The following DPP4 variants were observed in gnomAD, a reference collection of about 807,000 sequenced individuals.
DPP4 encodes dipeptidyl peptidase 4.
DPP4 carries 93 observed loss-of-function variants against 122.4 expected under a neutral mutation model. The ratio of observed to expected loss-of-function variants is 0.76; its 90% CI spans 0.64 to 0.90. The LOEUF (loss-of-function observed/expected upper bound fraction) is 0.90. DPP4 is among the 40% of genes least tolerant of loss of function. The pLI is 0.00. For synonymous variants in DPP4, 321 were observed against 302.9 expected (o/e 1.06, Z -0.62); for missense variants, 914 against 907.3 (o/e 1.01, Z -0.09).
intron 12 of DPP4, among the ~76,000 whole-genome samples, chr2:162,021,278 C>A (rs1683117617): frequency 6.6e-6 from 1 of 152,204 alleles, no homozygotes; most frequent in South Asian, 2.1e-4. Context: ...TAAGCCTTTT[C>A]ATTTTGTTAA....
chr2:162,037,128 C>T (rs1006643128), intron 8 of DPP4, among the ~76,000 whole-genome samples: 1 of 152,166 alleles, frequency 6.6e-6, no homozygotes, highest in Non-Finnish European at 1.5e-5. Flanking sequence ...ATTAGAGAGG[C>T]CCAAATTGGA....
chr2:162,003,886 G>A (rs1701215676), intron 23 of DPP4, among the ~76,000 whole-genome samples: 1 of 152,162 alleles, frequency 6.6e-6, no homozygotes, highest in Non-Finnish European at 1.5e-5. Flanking sequence ...GGAAAATTCA[G>A]TACAAGATAC....
intron 25 of DPP4, 41 bp downstream of exon 25, chr2:161,994,920 C>T: frequency 6.3e-7 from 1 of 1,576,730 alleles, no homozygotes; most frequent in Non-Finnish European, 8.7e-7. Flanking sequence ...AACTAGACCC[C>T]ACCAGCAACT....
rs1700885093 is a variant in DPP4 at position 161,992,326 on chromosome 2, T to C, written c.*957A>G. The C allele has an allele frequency of 6.6e-6, 1 of 152,300 alleles. No homozygotes were observed. Among genetic ancestry groups the C allele is most frequent in the African/African-American group, 2.4e-5 (1 of 41,452 alleles). 9.4% of individuals were successfully genotyped at this position (152,300 alleles called of 1,614,324 possible). A position where few individuals can be genotyped will look rare whatever the true frequency, so the allele number is the denominator to read the frequency against. Reference sequence around the variant, plus strand: ...AGAATGGGAATAATAATACATAACATTGTATTTTATGTTCCATTTTTTAAA... The same window carrying C: ...AGAATGGGAATAATAATACATAACACTGTATTTTATGTTCCATTTTTTAAA... On this transcript the variant is annotated 3_prime_UTR_variant, in exon 26 of 26. Transcript: ENST00000360534.
chr2:162,039,296 T>C lies in DPP4; in HGVS notation c.367-112A>G, dbSNP rs1022910326. 9 of 899,012 alleles carry C rather than the reference T, an allele frequency of 1.0e-5. No homozygotes were observed. In the African/African-American group the frequency reaches 1.4e-4, roughly 14 times the overall value. The allele number at this position is 899,012 out of a possible 1,614,324, so 55.7% of individuals were successfully genotyped here. ...AATATATGATTGTATAATTCTCACA[T>C]GTTATCATATCTTATAATTTCCTCC... On this transcript the variant is annotated intron_variant, in intron 5 of 25. Coordinates refer to ENST00000360534, the MANE Select transcript of DPP4 (RefSeq NM_001935.4).
chr2:161,996,961 GC>G (rs1701023292), intron 23 of DPP4, among the ~76,000 whole-genome samples: 1 of 152,172 alleles, frequency 6.6e-6, no homozygotes, highest in African/African-American at 2.4e-5. Context: ...AAGAGGCATA[GC>G]AAAAGCATTT....
At chr2:162,039,475 T>C (rs1683912175) in intron 5 of DPP4, among the ~76,000 whole-genome samples, 1 of 152,080 alleles carries the variant, frequency 6.6e-6, no homozygotes, top group South Asian at 2.1e-4. Context: ...CTCACCATAG[T>C]GTGCTAAGAT....
intron 22 of DPP4, 129 bp from the exon 23 acceptor site, chr2:162,005,938 G>T (rs1442101379): frequency 1.3e-6 from 1 of 756,296 alleles, no homozygotes; most frequent in African/African-American, 1.8e-5. Context: ...ACTCTCAGAA[G>T]TATCTCTATG....
At chr2:162,018,017 G>A (rs970222597) in intron 16 of DPP4, among the ~76,000 whole-genome samples, 3 of 151,604 alleles carry the variant, frequency 2.0e-5, no homozygotes, top group Non-Finnish European at 2.9e-5. Context: ...AGAATAAAGC[G>A]CATGCCCAAG....
intron 2 of DPP4, among the ~76,000 whole-genome samples, chr2:162,065,790 C>T (rs904926077): frequency 6.6e-6 from 1 of 152,170 alleles, no homozygotes; most frequent in Non-Finnish European, 1.5e-5. Flanking sequence ...GCTTCCATAG[C>T]ACTTTGATCA....
intron 16 of DPP4, among the ~76,000 whole-genome samples, chr2:162,018,383 G>A (rs1053679680): frequency 1.3e-5 from 2 of 152,182 alleles, no homozygotes; most frequent in Non-Finnish European, 2.9e-5. Context: ...TGAGCATGTT[G>A]GGTGACACGC....
intron 5 of DPP4, among the ~76,000 whole-genome samples, chr2:162,039,453 T>G (rs80354787): frequency 0.024 from 3,660 of 152,146 alleles, 67 homozygotes; most frequent in African/African-American, 0.046. Context: ...TGTACAAACA[T>G]TATCCCTAGC....
At chr2:162,021,615 C>CGT (rs1402234308) in intron 12 of DPP4, 2 of 152,182 alleles carry the variant, frequency 1.3e-5, no homozygotes, top group East Asian at 3.9e-4. Context: ...CAAGCTGAGG[C>CGT]GTGCGGTACA....
At chr2:162,049,050 A>T (rs2106137796) in intron 2 of DPP4, among the ~76,000 whole-genome samples, 1 of 152,276 alleles carries the variant, frequency 6.6e-6, no homozygotes, top group South Asian at 2.1e-4. Context: ...TTTTTTCTCA[A>T]ATCCTCTACT....
At chr2:162,047,718 T>C (rs1310383609) in intron 2 of DPP4, among the ~76,000 whole-genome samples, 2 of 152,188 alleles carry the variant, frequency 1.3e-5, no homozygotes, top group African/African-American at 4.8e-5. Context: ...TGTTTCACTC[T>C]GCTGTATTAT....
At position 162,030,348 on chromosome 2, in the gene DPP4, G is replaced by A. The variant is rs533704384; in HGVS notation, c.887+3193C>T. On this transcript the variant is annotated intron_variant, in intron 10 of 25. Transcript: ENST00000360534. ...GCTGCCCTTCTCACTTATCAGAGAA[G>A]CAGGGCTTCCACCCATTTCTGCTAA... Among the ~76,000 whole-genome samples the A allele has an allele frequency of 3.3e-5, 5 of 152,342 alleles. No homozygotes were observed. The South Asian group carries it at 1.0e-3, about 32-fold the overall frequency.
intron 4 of DPP4, among the ~76,000 whole-genome samples, chr2:162,045,830 G>A (rs1321616327): frequency 6.6e-6 from 1 of 152,194 alleles, no homozygotes; most frequent in African/African-American, 2.4e-5. Context: ...AATCCTAAGA[G>A]GAAAGATGCC....
chr2:162,060,953 C>A (rs1320308842), intron 2 of DPP4, among the ~76,000 whole-genome samples: 2 of 142,118 alleles, frequency 1.4e-5, no homozygotes, highest in Non-Finnish European at 3.1e-5. Flanking sequence ...TCCTTCCTAG[C>A]CTCCTTCTTT....
intron 11 of DPP4, 111 bp from the exon 12 acceptor site, chr2:162,022,910 T>C: frequency 9.8e-7 from 1 of 1,023,814 alleles, no homozygotes; most frequent in East Asian, 2.4e-5. Context: ...CTGAGAGCTA[T>C]CTCCATTCAT....
Sources: gnomAD v4.1 joint callset for allele counts (sites outside exome capture counted in the v4.1 genomes callset) on GRCh38, gnomAD v4.1.1 for gene constraint, MANE v1.5 for transcripts, NCBI Gene and HGNC (gene_info 2026-07-23, HGNC 2026-07-21) for gene names.